The following TMEM9B variants were observed in gnomAD, a reference collection of about 807,000 sequenced individuals.
TMEM9B encodes TMEM9 domain family member B.
TMEM9B carries 8 observed loss-of-function variants against 23.5 expected under a neutral mutation model. The ratio of observed to expected loss-of-function variants is 0.34; its 90% CI spans 0.20 to 0.61. TMEM9B has a LOEUF of 0.61. Ranked by LOEUF, TMEM9B falls within the 20% of genes least tolerant of loss-of-function variation. The pLI is 0.78. For synonymous variants in TMEM9B, 106 were observed against 96.3 expected, an observed-to-expected ratio of 1.10 and a Z score of -0.59; for missense variants, 197 against 252.3, an observed-to-expected ratio of 0.78 and a Z score of 1.49.
Position 8,962,178 on chromosome 11 carries a change from G to A in TMEM9B, c.111C>T (p.Phe37=), listed in dbSNP as rs760817809. Residue 37 remains phenylalanine, a synonymous_variant, in exon 2 of 5, where the codon TTC becomes TTT. Transcript: ENST00000534025. ...LAQLSDAAKN[F]EDVRCKCICP... The stretch of plus-strand genomic sequence containing the variant: ...AGATACATTTACATCTGACATCCTC[G>A]AAATTCTGTAACCAAAATGGAAACA... The A allele has an allele frequency of 1.6e-5, 25 of 1,596,968 alleles. No individual in the cohort carries two copies. The East Asian group carries it at 3.4e-4, about 22-fold the overall frequency.
Position 8,962,146 on chromosome 11 carries a change from G to T in TMEM9B, c.143C>A (p.Pro48His). 1 of 1,604,994 alleles carries T rather than the reference G, an allele frequency of 6.2e-7. No homozygotes were observed. Among genetic ancestry groups the T allele is most frequent in the Non-Finnish European group, 8.5e-7 (1 of 1,176,934 alleles). The stretch of plus-strand genomic sequence containing the variant: ...AATATGCCCAGAATTTTCTTTATAG[G>T]GAGGGCAGATACATTTACATCTGAC... ...EDVRCKCICPPYKENSGHIYN... is the reference protein window; with the variant it reads ...EDVRCKCICPHYKENSGHIYN... Residue 48 changes from proline to histidine, a missense_variant, in exon 2 of 5, where the codon CCC becomes CAC. Transcript: ENST00000534025.
chr11:8,956,918 G>A (rs1853985233), intron 2 of TMEM9B, among the ~76,000 whole-genome samples: 2 of 152,040 alleles, frequency 1.3e-5, no homozygotes, highest in Non-Finnish European at 2.9e-5. Context: ...TCAGGTCTTG[G>A]TTTGTTGACC....
chr11:8,952,800 G>T, intron 4 of TMEM9B: 2 of 342,328 alleles, frequency 5.8e-6, no homozygotes, highest in Admixed American at 8.7e-5. Flanking sequence ...AGAACATCAT[G>T]ATCTTCACAC....
intron 3 of TMEM9B, among the ~76,000 whole-genome samples, chr11:8,954,426 C>G (rs1853938318): frequency 6.6e-6 from 1 of 151,868 alleles, no homozygotes; most frequent in Admixed American, 6.6e-5. Flanking sequence ...GTAGCTGGGA[C>G]TACAGGTGCG....
chr11:8,951,224 C>T (rs1185034342), intron 4 of TMEM9B, among the ~76,000 whole-genome samples: 4 of 152,058 alleles, frequency 2.6e-5, no homozygotes, highest in African/African-American at 7.3e-5. Flanking sequence ...AGATATTTAA[C>T]GCTGTAAAGG....
chr11:8,960,075 G>A (rs902199596), intron 2 of TMEM9B, among the ~76,000 whole-genome samples: 1 of 151,776 alleles, frequency 6.6e-6, no homozygotes, highest in South Asian at 2.1e-4. Flanking sequence ...AAGGGAGAGT[G>A]GGAGAGAGGG....
In TMEM9B at chr11:8,956,307, A is replaced by C. The variant is rs1853973166; in HGVS notation, c.198-9T>G. The stretch of plus-strand genomic sequence containing the variant: ...CAACATGAAGGCAATCACTGAAAAA[A>C]CAAAGATAAAATGCTGCTTAAGCCC... On this transcript the variant is annotated splice_polypyrimidine_tract_variant and intron_variant, in intron 2 of 4. Coordinates refer to ENST00000534025, the MANE Select transcript of TMEM9B (RefSeq NM_020644.3). 1 of 1,611,828 alleles carries C rather than the reference A, an allele frequency of 6.2e-7. No homozygotes were observed. The highest frequency in any genetic ancestry group is 1.1e-5 in the South Asian group (1 of 91,026).
chr11:8,956,108 C>T lies in TMEM9B; in HGVS notation c.306+82G>A. ...TTTTGGGGTAGGGGTCCAAATTTTT[C>T]TGTCTTGTCTAGAAACCATCCAGAA... On this transcript the variant is annotated intron_variant, in intron 3 of 4. Coordinates refer to ENST00000534025, the MANE Select transcript of TMEM9B (RefSeq NM_020644.3). 2.3e-6 allele frequency: 3 copies of T among 1,323,478 alleles called. 1 individual carries two copies. The South Asian group carries it at 4.2e-5, about 18-fold the overall frequency. The allele number at this position is 1,323,478 out of a possible 1,614,324, so 82.0% of individuals were successfully genotyped here.
chr11:8,952,392 T>C (rs1853901741), intron 4 of TMEM9B, among the ~76,000 whole-genome samples: 1 of 151,950 alleles, frequency 6.6e-6, no homozygotes, highest in African/African-American at 2.4e-5. Context: ...TGGTTTTATT[T>C]TTCTCTAAAG....
chr11:8,963,047 A>G (rs1854109811), intron 1 of TMEM9B, among the ~76,000 whole-genome samples: 1 of 152,206 alleles, frequency 6.6e-6, no homozygotes, highest in African/African-American at 2.4e-5. Flanking sequence ...CTTGTGCTCA[A>G]TAAGGTGGAT....
intron 1 of TMEM9B, among the ~76,000 whole-genome samples, chr11:8,963,638 A>C (rs1854120178): frequency 6.6e-6 from 1 of 152,214 alleles, no homozygotes; most frequent in Non-Finnish European, 1.5e-5. Context: ...GAGAATATGA[A>C]GCAGGTGAGA....
intron 2 of TMEM9B, 90 bp from the exon 3 acceptor site, chr11:8,956,388 T>C: frequency 1.1e-6 from 1 of 919,512 alleles, no homozygotes. Context: ...GAATAATCAC[T>C]AAACTTACCC....
Position 8,964,423 on chromosome 11 carries a change from C to A in TMEM9B, c.-110G>T, listed in dbSNP as rs1854158277. 10 of 1,436,502 alleles carry A rather than the reference C, an allele frequency of 7.0e-6. No homozygotes were observed. The highest frequency in any genetic ancestry group is 2.1e-4 in the Middle Eastern group (1 of 4,686). The allele number at this position is 1,436,502 out of a possible 1,614,324, so 89.0% of individuals were successfully genotyped here. On this transcript the variant is annotated 5_prime_UTR_variant, in exon 1 of 5. In the 5' UTR this introduces an upstream ATG that the reference lacks. Coordinates refer to ENST00000534025, the MANE Select transcript of TMEM9B (RefSeq NM_020644.3). The stretch of plus-strand genomic sequence containing the variant: ...CAGGCTTGGGACCCGGCTGGGGATC[C>A]TCCGCCCGCACTTCCGTCTGGACGC...
At chr11:8,959,634 C>A (rs1339382265) in intron 2 of TMEM9B, among the ~76,000 whole-genome samples, 1 of 152,190 alleles carries the variant, frequency 6.6e-6, no homozygotes, top group Non-Finnish European at 1.5e-5. Flanking sequence ...TACTTGAGTG[C>A]TGTGCAAAAG....
chr11:8,950,776 G>A (rs1199396236), intron 4 of TMEM9B, among the ~76,000 whole-genome samples: 3 of 152,178 alleles, frequency 2.0e-5, no homozygotes, highest in Admixed American at 6.5e-5. Flanking sequence ...TACTTGCAGT[G>A]AGCTTAACTA....
intron 3 of TMEM9B, among the ~76,000 whole-genome samples, 176 bp from the exon 4 acceptor site, chr11:8,953,513 AG>A (rs1853920658): frequency 6.7e-6 from 1 of 149,338 alleles, no homozygotes; most frequent in Non-Finnish European, 1.5e-5. Flanking sequence ...TAAGAAAAAA[AG>A]AGGAAAGATC....
Position 8,964,216 on chromosome 11 carries a change from G to A in TMEM9B, c.98C>T (p.Ala33Val), listed in dbSNP as rs1470472442. 6 of 1,578,912 alleles carry A rather than the reference G, an allele frequency of 3.8e-6. No homozygotes were observed. Among genetic ancestry groups the A allele is most frequent in the Non-Finnish European group, 5.2e-6 (6 of 1,163,372 alleles). ...AGGCTGGGCGGGACTCACCTTGGCG[G>A]CGTCTGACAGCTGCGCCAGCAGCAG... is the stretch of plus-strand genomic sequence containing the variant. Reference protein sequence around the residue: ...SVLLLAQLSDAAKNFEDVRCK... With the variant: ...SVLLLAQLSDVAKNFEDVRCK... Residue 33 changes from alanine (A) to valine (V), a missense_variant, in exon 1 of 5, where the codon GCC (alanine) becomes GTC (valine). Ala to Val is a moderately conservative substitution (Grantham distance 64). Coordinates refer to ENST00000534025, the MANE Select transcript of TMEM9B (RefSeq NM_020644.3).
chr11:8,964,308 C>G lies in TMEM9B; in HGVS notation c.6G>C (p.Ala2=). The G allele has an allele frequency of 6.4e-7, 1 of 1,574,210 alleles. No homozygotes were observed. The highest frequency in any genetic ancestry group is 8.6e-7 in the Non-Finnish European group (1 of 1,160,788). The change falls in exon 1 of 5, where the codon GCG becomes GCC. Residue 2 remains alanine (A), a synonymous_variant. Coordinates refer to ENST00000534025, the MANE Select transcript of TMEM9B (RefSeq NM_020644.3). ...GCCGAAGAAGGCCTCCCCACAGGGT[C>G]GCCATCGCTGGGGGCCCAGCGGTCC... The part of the protein sequence containing the change: M[A]TLWGGLLRLG...
rs868196729 is a variant in TMEM9B, at chr11:8,953,243, A to G, written c.401T>C (p.Phe134Ser). 1.2e-6 allele frequency: 2 copies of G among 1,614,040 alleles called. No individual in the cohort carries two copies. The highest frequency in any genetic ancestry group is 3.3e-5 in the Admixed American group (2 of 59,982). ...ACTCTGTATCAACTGTGCATGTCCA[A>G]AGAGGCGCCTCTTCAGTATGGGCTC... is the stretch of plus-strand genomic sequence containing the variant. ...LVEPILKRRL[F>S]GHAQLIQSDD... Residue 134 changes from phenylalanine to serine, a missense_variant, in exon 4 of 5, where the codon TTT (phenylalanine) becomes TCT (serine). Coordinates refer to ENST00000534025, the MANE Select transcript of TMEM9B (RefSeq NM_020644.3).
Sources: gnomAD v4.1 joint callset for allele counts (sites outside exome capture counted in the v4.1 genomes callset) on GRCh38, gnomAD v4.1.1 for gene constraint, MANE v1.5 for transcripts, NCBI Gene and HGNC (gene_info 2026-07-23, HGNC 2026-07-21) for gene names.